KYNU: variants seen among roughly 807,000 people sequenced by gnomAD.
The protein encoded by KYNU is kynureninase.
In KYNU, 54 loss-of-function variants were observed where a neutral mutation model predicts 59.2. The ratio of observed to expected loss-of-function variants is 0.91; its 90% CI spans 0.73 to 1.14. The LOEUF (loss-of-function observed/expected upper bound fraction) is 1.14, where lower values mean the gene tolerates loss of function less well. Ranked by LOEUF, KYNU falls within the 50% of genes most tolerant of loss-of-function variation. The probability of loss-of-function intolerance (pLI) is 0.00; values close to 1 mark genes in which losing one functional copy is unlikely to be tolerated. For synonymous variants in KYNU, 177 were observed against 192.0 expected (o/e 0.92, Z 0.65); for missense variants, 567 against 554.4 (o/e 1.02, Z -0.23).
chr2:142,985,019 A>G (rs1030655136), intron 8 of KYNU, 65 bp from the exon 9 acceptor site: 1 of 967,268 alleles, frequency 1.0e-6, no homozygotes, highest in Non-Finnish European at 1.7e-6. Context: ...TTTCTTAAAA[A>G]TATTTGTACT....
chr2:142,934,710 G>A (rs926784652), intron 4 of KYNU, among the ~76,000 whole-genome samples: 2 of 152,182 alleles, frequency 1.3e-5, no homozygotes, highest in African/African-American at 4.8e-5. Context: ...ATGAAGAGAT[G>A]GTAGTTGCCA....
Position 142,954,981 on chromosome 2 carries a change from G to A in KYNU, c.435+110G>A, listed in dbSNP as rs147289928. 905 of 728,942 alleles carry A rather than the reference G, an allele frequency of 1.2e-3. 5 individuals are homozygous for A. The African/African-American group carries it at 0.014, about 11-fold the overall frequency. 45.2% of individuals were successfully genotyped at this position (728,942 alleles called of 1,614,324 possible). A position where few individuals can be genotyped will look rare whatever the true frequency, so the allele number is the denominator to read the frequency against. On this transcript the variant is annotated intron_variant, in intron 5 of 13. Coordinates refer to ENST00000264170, the MANE Select transcript of KYNU (RefSeq NM_003937.3). ...GGGTTTACTTATTTAAAAATAAATT[G>A]TGAGGTTATTTTCATTTTTACTAGG... is the stretch of plus-strand genomic sequence containing the variant.
At chr2:142,974,731 A>T (rs1240808585) in intron 8 of KYNU, among the ~76,000 whole-genome samples, 2 of 152,210 alleles carry the variant, frequency 1.3e-5, no homozygotes, top group Non-Finnish European at 2.9e-5. Flanking sequence ...TGTGAAATAA[A>T]CATAGCTCAA....
chr2:143,017,732 C>T (rs527555350), intron 10 of KYNU, among the ~76,000 whole-genome samples: 11 of 152,130 alleles, frequency 7.2e-5, no homozygotes, highest in African/African-American at 2.7e-4. Context: ...GCCATAATGC[C>T]CGGCCATTTT....
At chr2:142,886,231 A>C (rs1345562871) in intron 2 of KYNU, among the ~76,000 whole-genome samples, 1 of 151,720 alleles carries the variant, frequency 6.6e-6, no homozygotes, top group Non-Finnish European at 1.5e-5. Flanking sequence ...GAATGGAATT[A>C]GTCTACCAAA....
At chr2:142,893,697 G>T (rs1459892168) in intron 2 of KYNU, among the ~76,000 whole-genome samples, 1 of 152,104 alleles carries the variant, frequency 6.6e-6, no homozygotes, top group Non-Finnish European at 1.5e-5. Flanking sequence ...GATAACAGAG[G>T]TGAATGTGAT....
intron 10 of KYNU, among the ~76,000 whole-genome samples, chr2:143,028,347 C>T (rs1469597511): frequency 6.9e-6 from 1 of 145,514 alleles, no homozygotes; most frequent in East Asian, 2.1e-4. Flanking sequence ...TGGGTTCAAG[C>T]GATTCTCCTG....
rs1010033033 is a variant in KYNU at position 143,054,854 on chromosome 2, A to T, written c.*12682A>T. 1 of 152,220 alleles carries T rather than the reference A, an allele frequency of 6.6e-6. No homozygotes were observed. Among genetic ancestry groups the T allele is most frequent in the Admixed American group, 6.5e-5 (1 of 15,270 alleles). 9.4% of individuals were successfully genotyped at this position (152,220 alleles called of 1,614,324 possible). A position where few individuals can be genotyped will look rare whatever the true frequency, so the allele number is the denominator to read the frequency against. ...AATTATGAGACTGAAGAGATATAAT[A>T]AACAAATGCAATGTGTGGACTTGGT... On this transcript the variant is annotated 3_prime_UTR_variant, in exon 14 of 14. Transcript: ENST00000264170.
intron 9 of KYNU, 64 bp downstream of exon 9, chr2:142,985,246 C>G: frequency 9.8e-7 from 1 of 1,019,824 alleles, no homozygotes. Flanking sequence ...GAAGGAGAAA[C>G]TGGGTCTGTG....
At chr2:142,887,531 C>A (rs1055786760) in intron 2 of KYNU, among the ~76,000 whole-genome samples, 1 of 152,032 alleles carries the variant, frequency 6.6e-6, no homozygotes, top group South Asian at 2.1e-4. Flanking sequence ...TTCATAATAG[C>A]CAAAAGGTGG....
intron 1 of KYNU, among the ~76,000 whole-genome samples, chr2:142,878,587 T>A (rs1369065042): frequency 6.6e-6 from 1 of 152,330 alleles, no homozygotes; most frequent in East Asian, 1.9e-4. Context: ...TGAAACTGTG[T>A]AAAGATTAAC....
chr2:142,953,494 T>C (rs906544130), intron 4 of KYNU, among the ~76,000 whole-genome samples: 5 of 151,830 alleles, frequency 3.3e-5, no homozygotes, highest in African/African-American at 1.2e-4. Context: ...GATGGCAGTA[T>C]TTTTTAAACC....
chr2:142,885,222 T>C (rs1191415851), intron 1 of KYNU, 127 bp from the exon 2 acceptor site: 8 of 732,920 alleles, frequency 1.1e-5, no homozygotes, highest in Non-Finnish European at 1.4e-5. Context: ...TGCTGGTTGG[T>C]TAAGTATATT....
At chr2:143,032,264 C>T (rs1329594406) in intron 11 of KYNU, among the ~76,000 whole-genome samples, 2 of 149,578 alleles carry the variant, frequency 1.3e-5, no homozygotes, top group Non-Finnish European at 3.0e-5. Context: ...GGCAACAGAG[C>T]GAGACTCCAT....
At chr2:143,017,209 T>C (rs150578784) in intron 10 of KYNU, among the ~76,000 whole-genome samples, 34 of 152,306 alleles carry the variant, frequency 2.2e-4, no homozygotes, top group Middle Eastern at 3.4e-3. Context: ...GCAATGAACA[T>C]ACAAGTGCGT....
At chr2:142,976,280 T>G (rs1277410263) in intron 8 of KYNU, among the ~76,000 whole-genome samples, 1 of 152,146 alleles carries the variant, frequency 6.6e-6, no homozygotes, top group Non-Finnish European at 1.5e-5. Flanking sequence ...GAACAATTAT[T>G]CATTATTCTT....
intron 3 of KYNU, among the ~76,000 whole-genome samples, 170 bp from the exon 4 acceptor site, chr2:142,927,489 C>T (rs1243011884): frequency 6.6e-6 from 1 of 152,084 alleles, no homozygotes; most frequent in African/African-American, 2.4e-5. Flanking sequence ...AGTTAAAAGA[C>T]ATTAATCCCA....
chr2:143,030,737 G>A (rs1346896890), intron 11 of KYNU, among the ~76,000 whole-genome samples: 1 of 151,816 alleles, frequency 6.6e-6, no homozygotes, highest in Non-Finnish European at 1.5e-5. Context: ...ATATATATAG[G>A]TGCTCTTTGA....
At position 143,033,253 on chromosome 2, in the gene KYNU, G is replaced by A. The variant is rs757863674; in HGVS notation, c.973G>A (p.Gly325Arg). Reference sequence around the variant, plus strand: ...TTTCTCAGAACTGCAGTTAATCCCTGGGGTCTGTGGATTCCGAATTTCAAA... The same window carrying A: ...TTTCTCAGAACTGCAGTTAATCCCTAGGGTCTGTGGATTCCGAATTTCAAA... ...KMDNKLQLIPGVCGFRISNPP... is the reference protein window; with the variant it reads ...KMDNKLQLIPRVCGFRISNPP... The change falls in exon 12 of 14, where the codon GGG becomes AGG. Residue 325 changes from glycine to arginine, a missense_variant. Physicochemically the swap from Gly to Arg is moderately radical, Grantham distance 125 (BLOSUM62 -2). Coordinates refer to ENST00000264170, the MANE Select transcript of KYNU (RefSeq NM_003937.3). 3 of 1,612,330 alleles carry A rather than the reference G, an allele frequency of 1.9e-6. No homozygotes were observed. The highest frequency in any genetic ancestry group is 1.7e-6 in the Non-Finnish European group (2 of 1,178,382).
Sources: allele counts gnomAD v4.1 joint callset (sites outside exome capture counted in the v4.1 genomes callset), GRCh38; gene constraint gnomAD v4.1.1; transcripts MANE v1.5; gene names NCBI Gene and HGNC (gene_info 2026-07-23, HGNC 2026-07-21).